HS3ST4: variants seen among roughly 807,000 people sequenced by gnomAD.
The protein encoded by HS3ST4 is heparan sulfate glucosamine 3-O-sulfotransferase 4.
In HS3ST4, 17 loss-of-function variants were observed where a neutral mutation model predicts 29.2. That is an observed-to-expected ratio of 0.58 (90% CI 0.40 to 0.87). HS3ST4 has a LOEUF of 0.87. HS3ST4 is among the 40% of genes least tolerant of loss of function. HS3ST4 has a pLI of 0.00. For missense variants in HS3ST4, 627 were observed against 634.5 expected (o/e 0.99, Z 0.13); for synonymous variants, 314 against 285.7 (o/e 1.10, Z -1.00).
At position 25,814,601 on chromosome 16, in the gene HS3ST4, C is replaced by T. The variant is rs1967074666; in HGVS notation, c.734+121450C>T. ...ACCTTGTGATCCGCCTGCCTTGCCT[C>T]CCAAAGCGCTGGGATTACAGGGGTG... On this transcript the variant is annotated intron_variant, in intron 1 of 1. Coordinates refer to ENST00000331351, the MANE Select transcript of HS3ST4 (RefSeq NM_006040.3). 2.6e-5 allele frequency among the ~76,000 whole-genome samples: 4 copies of T among 152,176 alleles called. No homozygotes were observed. In the South Asian group the frequency reaches 8.3e-4, roughly 31 times the overall value.
chr16:25,889,722 A>G (rs577435776), intron 1 of HS3ST4, among the ~76,000 whole-genome samples: 3 of 152,138 alleles, frequency 2.0e-5, no homozygotes, highest in African/African-American at 7.2e-5. Context: ...TCCCTGCATG[A>G]TATTTTTTGG....
At chr16:26,020,421 G>T (rs1969401772) in intron 1 of HS3ST4, among the ~76,000 whole-genome samples, 1 of 152,172 alleles carries the variant, frequency 6.6e-6, no homozygotes, top group African/African-American at 2.4e-5. Context: ...TGTCCTAAGA[G>T]AAAAAGCTCT....
intron 1 of HS3ST4, among the ~76,000 whole-genome samples, chr16:25,730,379 TC>T (rs1223947117): frequency 6.8e-6 from 1 of 146,806 alleles, no homozygotes; most frequent in Non-Finnish European, 1.5e-5. Context: ...CTTCTTTCCT[TC>T]CTCCCCTCCC....
intron 1 of HS3ST4, among the ~76,000 whole-genome samples, chr16:25,724,828 C>T (rs541600580): frequency 2.6e-5 from 4 of 151,908 alleles, no homozygotes; most frequent in Admixed American, 1.3e-4. Flanking sequence ...TTGTTGAGTT[C>T]GTGGACATTT....
intron 1 of HS3ST4, among the ~76,000 whole-genome samples, chr16:26,123,111 A>G (rs1025079750): frequency 6.6e-6 from 1 of 151,740 alleles, no homozygotes; most frequent in African/African-American, 2.4e-5. Context: ...TACAGAGCAG[A>G]TGGGGCTGTT....
intron 1 of HS3ST4, among the ~76,000 whole-genome samples, chr16:25,885,011 G>T (rs1967935122): frequency 2.6e-5 from 4 of 152,158 alleles, no homozygotes. Flanking sequence ...AGGTTAGGAG[G>T]AGAAGAGCCC....
chr16:25,804,837 T>C (rs945879292), intron 1 of HS3ST4, among the ~76,000 whole-genome samples: 18 of 152,168 alleles, frequency 1.2e-4, no homozygotes, highest in African/African-American at 4.1e-4. Flanking sequence ...AACGAGATAA[T>C]GTGTTTAAAG....
At chr16:26,036,932 A>T (rs956958205) in intron 1 of HS3ST4, among the ~76,000 whole-genome samples, 2 of 152,230 alleles carry the variant, frequency 1.3e-5, no homozygotes, top group Non-Finnish European at 2.9e-5. Context: ...AATCCAGGAA[A>T]CAGGAATGAA....
chr16:25,728,593 A>G (rs1281380520), intron 1 of HS3ST4, among the ~76,000 whole-genome samples: 2 of 152,194 alleles, frequency 1.3e-5, no homozygotes, highest in African/African-American at 4.8e-5. Context: ...GAAAGTATTC[A>G]TGGGAATTAA....
chr16:25,848,352 C>T (rs1341366151), intron 1 of HS3ST4, among the ~76,000 whole-genome samples: 1 of 152,048 alleles, frequency 6.6e-6, no homozygotes. Flanking sequence ...GTTGGCCAGG[C>T]TGGTCTCAAA....
rs1406933165 is a variant in HS3ST4, at chr16:25,906,755, T to C, written c.734+213604T>C. ...CATGAAGGTGTGAAAATACAAGACATGTATATGCCAACGTGGCTGGTATCT... is the reference window on the plus strand; with the variant it reads ...CATGAAGGTGTGAAAATACAAGACACGTATATGCCAACGTGGCTGGTATCT... On this transcript the variant is annotated intron_variant, in intron 1 of 1. Coordinates refer to ENST00000331351, the MANE Select transcript of HS3ST4 (RefSeq NM_006040.3). Among the ~76,000 whole-genome samples the C allele has an allele frequency of 2.6e-5, 4 of 152,080 alleles. No individual in the cohort carries two copies. The East Asian group carries it at 7.7e-4, about 29-fold the overall frequency.
At position 25,840,336 on chromosome 16, in the gene HS3ST4, A is replaced by G. The variant is rs117437071; in HGVS notation, c.734+147185A>G. Among the ~76,000 whole-genome samples, 285 of 152,332 alleles carry G rather than the reference A, an allele frequency of 1.9e-3. 8 individuals carry two copies. The East Asian group carries it at 0.05, about 27-fold the overall frequency. On this transcript the variant is annotated intron_variant, in intron 1 of 1. Coordinates refer to ENST00000331351, the MANE Select transcript of HS3ST4 (RefSeq NM_006040.3). ...AAATAGGTTTAGGATTCCTTTGAGC[A>G]TTTTGAGACGCAACTACTACAATCC... is the stretch of plus-strand genomic sequence containing the variant.
intron 1 of HS3ST4, among the ~76,000 whole-genome samples, chr16:25,964,220 G>A (rs1473781596): frequency 7.9e-5 from 12 of 151,508 alleles, no homozygotes; most frequent in Admixed American, 7.9e-4. Context: ...AATAGATACT[G>A]GGGCCTACAA....
intron 1 of HS3ST4, among the ~76,000 whole-genome samples, chr16:25,944,148 C>G (rs1165416993): frequency 6.6e-6 from 1 of 152,090 alleles, no homozygotes; most frequent in Non-Finnish European, 1.5e-5. Context: ...TCCTTACTCC[C>G]TAGTTCAGCC....
intron 1 of HS3ST4, among the ~76,000 whole-genome samples, chr16:25,988,751 C>T (rs1969087213): frequency 6.6e-6 from 1 of 151,772 alleles, no homozygotes; most frequent in African/African-American, 2.4e-5. Flanking sequence ...GGAAAAATAA[C>T]AAATGGGTAC....
intron 1 of HS3ST4, among the ~76,000 whole-genome samples, chr16:26,110,768 TAA>T (rs1255360654): frequency 6.6e-6 from 1 of 152,158 alleles, no homozygotes; most frequent in African/African-American, 2.4e-5. Flanking sequence ...GCACTCAGAA[TAA>T]AGTTTCATCA....
intron 1 of HS3ST4, among the ~76,000 whole-genome samples, chr16:25,776,514 CA>C (rs1162104630): frequency 6.6e-6 from 1 of 152,134 alleles, no homozygotes; most frequent in Non-Finnish European, 1.5e-5. Context: ...CTAAAATGTA[CA>C]AAACCAAACT....
chr16:25,873,409 T>TCCAC (rs879506454), intron 1 of HS3ST4, among the ~76,000 whole-genome samples: 39,783 of 135,850 alleles, frequency 0.29, 6,016 homozygotes, highest in East Asian at 0.46. Context: ...CATCCATCCA[T>TCCAC]CCATCCACCC....
At chr16:25,894,562 A>G (rs1164555721) in intron 1 of HS3ST4, among the ~76,000 whole-genome samples, 2 of 150,558 alleles carry the variant, frequency 1.3e-5, no homozygotes, top group Non-Finnish European at 3.0e-5. Flanking sequence ...CTGGAGTGCA[A>G]TGGTGCGATC....
Sources: gnomAD v4.1 joint callset for allele counts (sites outside exome capture counted in the v4.1 genomes callset) on GRCh38, gnomAD v4.1.1 for gene constraint, MANE v1.5 for transcripts, NCBI Gene and HGNC (gene_info 2026-07-23, HGNC 2026-07-21) for gene names.